PLD5: variants seen among roughly 807,000 people sequenced by gnomAD.
The protein encoded by PLD5 is phospholipase D family member 5.
A neutral mutation model predicts 61.1 loss-of-function variants in PLD5; 36 were observed. That is an observed-to-expected ratio of 0.59 (90% confidence interval 0.45 to 0.78). The LOEUF is 0.78. PLD5 is among the 30% of genes least tolerant of loss of function. The pLI is 0.00. For synonymous variants in PLD5, 243 were observed against 242.8 expected (o/e 1.00, Z -0.01); for missense variants, 515 against 644.4 (o/e 0.80, Z 2.17).
At chr1:242,432,051 G>A (rs376391737) in intron 1 of PLD5, among the ~76,000 whole-genome samples, 250 of 152,282 alleles carry the variant, frequency 1.6e-3, no homozygotes, top group African/African-American at 4.9e-3. Context: ...CAACGGTAGT[G>A]GAAGTCAGGG....
At chr1:242,354,422 A>C (rs1660641553) in intron 1 of PLD5, among the ~76,000 whole-genome samples, 1 of 152,188 alleles carries the variant, frequency 6.6e-6, no homozygotes, top group Non-Finnish European at 1.5e-5. Context: ...GTGGCCAATA[A>C]GTCAGCCGTG....
intron 2 of PLD5, among the ~76,000 whole-genome samples, chr1:242,303,480 A>G (rs1676177992): frequency 6.6e-6 from 1 of 152,208 alleles, no homozygotes; most frequent in African/African-American, 2.4e-5. Context: ...TATAAATGCT[A>G]TTTTCTAAAA....
intron 1 of PLD5, among the ~76,000 whole-genome samples, chr1:242,415,712 A>G (rs1034314100): frequency 1.5e-4 from 23 of 151,856 alleles, no homozygotes; most frequent in Admixed American, 2.0e-4. Context: ...ACGGGGTTTC[A>G]CCATGTTAGC....
chr1:242,436,546 C>T (rs947222948), intron 1 of PLD5, among the ~76,000 whole-genome samples: 10 of 152,320 alleles, frequency 6.6e-5, no homozygotes, highest in Middle Eastern at 3.4e-3. Context: ...CTCAAATCCA[C>T]AGACCCAGAC....
intron 1 of PLD5, among the ~76,000 whole-genome samples, chr1:242,493,107 A>G (rs988650507): frequency 6.6e-6 from 1 of 152,160 alleles, no homozygotes; most frequent in African/African-American, 2.4e-5. Flanking sequence ...TTTAATTCTT[A>G]CTCTAATAGT....
chr1:242,315,473 C>T (rs1676953099), intron 2 of PLD5, among the ~76,000 whole-genome samples: 1 of 152,114 alleles, frequency 6.6e-6, no homozygotes, highest in South Asian at 2.1e-4. Context: ...GAAAAATGCC[C>T]TTCTACCCTT....
intron 5 of PLD5, among the ~76,000 whole-genome samples, chr1:242,183,560 C>G (rs1448466236): frequency 2.0e-5 from 3 of 152,102 alleles, no homozygotes; most frequent in African/African-American, 7.2e-5. Flanking sequence ...ATCACAGTAC[C>G]CTTCGTGTCT....
At chr1:242,140,224 A>G (rs1394230067) in intron 5 of PLD5, among the ~76,000 whole-genome samples, 1 of 152,214 alleles carries the variant, frequency 6.6e-6, no homozygotes, top group African/African-American at 2.4e-5. Context: ...ATAATCCTAC[A>G]TAGATAACCC....
rs548531368 is a variant in PLD5 at position 242,324,644 on chromosome 1, C to G, written c.326+23462G>C. 4.7e-4 allele frequency among the ~76,000 whole-genome samples: 71 copies of G among 152,318 alleles called. 2 individuals carry two copies. The South Asian group carries it at 0.014, about 30-fold the overall frequency. ...CCTTTTAAAACTAACAAATCATCCA[C>G]AAGATTAAGAATTATGGCTCAGGAG... is the stretch of plus-strand genomic sequence containing the variant. On this transcript the variant is annotated intron_variant, in intron 2 of 9. Coordinates refer to ENST00000536534, the MANE Select transcript of PLD5 (RefSeq NM_001372062.1).
chr1:242,123,026 A>G (rs1662506836), intron 6 of PLD5, among the ~76,000 whole-genome samples: 1 of 152,210 alleles, frequency 6.6e-6, no homozygotes, highest in Non-Finnish European at 1.5e-5. Context: ...TTCAAATAAA[A>G]ATTCTAAGAT....
intron 5 of PLD5, among the ~76,000 whole-genome samples, chr1:242,168,845 A>ATTTTTTTTTTTTTTT (rs1574439363): frequency 6.8e-5 from 2 of 29,252 alleles, no homozygotes; most frequent in East Asian, 4.6e-3. Flanking sequence ...TAATTAATGA[A>ATTTTTTTTTTTTTTT]GTTTTTTTTT....
intron 4 of PLD5, among the ~76,000 whole-genome samples, chr1:242,245,171 A>T (rs1672284661): frequency 6.6e-6 from 1 of 152,220 alleles, no homozygotes; most frequent in Non-Finnish European, 1.5e-5. Flanking sequence ...GGAAAAGAAA[A>T]AAAAGGAGCC....
chr1:242,311,523 G>A (rs1044849557), intron 2 of PLD5, among the ~76,000 whole-genome samples: 4 of 152,200 alleles, frequency 2.6e-5, no homozygotes, highest in African/African-American at 9.7e-5. Flanking sequence ...GCACTAATGG[G>A]CCTGGGTTCA....
chr1:242,224,912 C>T (rs1033716098), intron 4 of PLD5, among the ~76,000 whole-genome samples: 1 of 152,076 alleles, frequency 6.6e-6, no homozygotes, highest in South Asian at 2.1e-4. Context: ...TGACCATCAC[C>T]GCAATCAGAA....
chr1:242,333,499 G>T (rs1574750912), intron 2 of PLD5, among the ~76,000 whole-genome samples: 1 of 152,158 alleles, frequency 6.6e-6, no homozygotes. Flanking sequence ...CAGGACCACG[G>T]TCTCCCAGAG....
intron 7 of PLD5, among the ~76,000 whole-genome samples, chr1:242,112,335 ATGTG>A (rs1487395046): frequency 2.5e-5 from 1 of 40,248 alleles, no homozygotes; most frequent in Non-Finnish European, 4.5e-5. Context: ...ATGTATGTAT[ATGTG>A]TATATATATA....
chr1:242,495,626 G>T (rs1485181057), intron 1 of PLD5, among the ~76,000 whole-genome samples: 1 of 151,996 alleles, frequency 6.6e-6, no homozygotes, highest in African/African-American at 2.4e-5. Context: ...CAAATAAGTG[G>T]GTGAAGAATA....
chr1:242,371,837 A>G (rs1661651367), intron 1 of PLD5, among the ~76,000 whole-genome samples: 1 of 151,800 alleles, frequency 6.6e-6, no homozygotes. Flanking sequence ...GAAGAAAAAC[A>G]TTTTAGTTTT....
At chr1:242,135,478 TCAAA>T (rs1663643061) in intron 5 of PLD5, among the ~76,000 whole-genome samples, 1 of 152,206 alleles carries the variant, frequency 6.6e-6, no homozygotes, top group South Asian at 2.1e-4. Flanking sequence ...GCTGCCTGAC[TCAAA>T]CAGATTTCCC....
Sources: gnomAD v4.1 joint callset for allele counts (sites outside exome capture counted in the v4.1 genomes callset) on GRCh38, gnomAD v4.1.1 for gene constraint, MANE v1.5 for transcripts, NCBI Gene and HGNC (gene_info 2026-07-23, HGNC 2026-07-21) for gene names.